DCC: variants seen among roughly 807,000 people sequenced by gnomAD.
The protein encoded by DCC is netrin receptor DCC.
In DCC, 58 loss-of-function variants were observed where a neutral mutation model predicts 172.5. The observed-to-expected ratio is 0.34, with a 90% CI of 0.27 to 0.42. DCC has a LOEUF of 0.42. Ranked by LOEUF, DCC falls within the 10% of genes least tolerant of loss-of-function variation. The probability of loss-of-function intolerance (pLI) is 1.00; values close to 1 mark genes in which losing one functional copy is unlikely to be tolerated. For missense variants in DCC, 1,740 were observed against 1,791.0 expected, an observed-to-expected ratio of 0.97 and a Z score of 0.51; for synonymous variants, 709 against 644.5, an observed-to-expected ratio of 1.10 and a Z score of -1.52.
chr18:53,423,992 C>A (rs1910768889), intron 21 of DCC, among the ~76,000 whole-genome samples: 1 of 152,096 alleles, frequency 6.6e-6, no homozygotes. Context: ...ATTTACTGAT[C>A]TTGGGGGAGA....
chr18:52,464,764 T>C (rs2144546929), intron 1 of DCC, among the ~76,000 whole-genome samples: 1 of 152,072 alleles, frequency 6.6e-6, no homozygotes, highest in Non-Finnish European at 1.5e-5. Context: ...TGGTTTTTTT[T>C]TTCTCCCCAT....
intron 5 of DCC, among the ~76,000 whole-genome samples, chr18:52,967,049 A>G (rs190271951): frequency 6.6e-6 from 1 of 152,272 alleles, no homozygotes; most frequent in East Asian, 1.9e-4. Flanking sequence ...AAAGGTGCTC[A>G]GAAGCAGCAT....
intron 1 of DCC, among the ~76,000 whole-genome samples, chr18:52,549,793 C>CT (rs1253013172): frequency 6.6e-6 from 1 of 151,706 alleles, no homozygotes; most frequent in Non-Finnish European, 1.5e-5. Context: ...TTATTTTATA[C>CT]TTTTTTTCTT....
At chr18:53,259,291 G>A (rs932475306) in intron 12 of DCC, among the ~76,000 whole-genome samples, 7 of 152,136 alleles carry the variant, frequency 4.6e-5, no homozygotes, top group East Asian at 1.9e-4. Flanking sequence ...AGTTGATGCC[G>A]TTTCTTCCTA....
intron 12 of DCC, among the ~76,000 whole-genome samples, chr18:53,255,376 C>T (rs1318753026): frequency 8.7e-6 from 1 of 115,084 alleles, no homozygotes. Flanking sequence ...TCCCCCCACC[C>T]CACAACAGGC....
At chr18:52,749,670 C>T (rs966148989) in intron 1 of DCC, among the ~76,000 whole-genome samples, 20 of 152,174 alleles carry the variant, frequency 1.3e-4, no homozygotes, top group Non-Finnish European at 1.5e-5. Context: ...CTGTCATAAT[C>T]TCCTTGTTTC....
At chr18:53,239,521 G>C (rs1038585078) in intron 12 of DCC, among the ~76,000 whole-genome samples, 1 of 152,136 alleles carries the variant, frequency 6.6e-6, no homozygotes, top group Non-Finnish European at 1.5e-5. Flanking sequence ...GTGAATTCAC[G>C]GAGCAGAGAC....
chr18:52,847,178 G>A (rs151260149), intron 2 of DCC, among the ~76,000 whole-genome samples: 1 of 152,260 alleles, frequency 6.6e-6, no homozygotes, highest in African/African-American at 2.4e-5. Flanking sequence ...GACTTGGTTT[G>A]AAAGTTTTGC....
At chr18:53,139,857 A>T (rs2043804162) in intron 7 of DCC, among the ~76,000 whole-genome samples, 2 of 152,254 alleles carry the variant, frequency 1.3e-5, no homozygotes, top group South Asian at 4.1e-4. Flanking sequence ...ATTTCCTCCC[A>T]CCATGATCAC....
intron 2 of DCC, among the ~76,000 whole-genome samples, chr18:52,898,513 T>C (rs560250923): frequency 1.3e-5 from 2 of 152,298 alleles, no homozygotes; most frequent in South Asian, 4.1e-4. Context: ...GTCGAAAATA[T>C]TCAAACTTTC....
intron 1 of DCC, among the ~76,000 whole-genome samples, chr18:52,560,457 A>G (rs1253357456): frequency 2.6e-5 from 4 of 152,236 alleles, no homozygotes; most frequent in Admixed American, 1.3e-4. Context: ...GGTTAAACTG[A>G]ATACCCTCAT....
intron 5 of DCC, among the ~76,000 whole-genome samples, chr18:52,959,594 C>T (rs746937085): frequency 1.3e-5 from 2 of 151,616 alleles, no homozygotes; most frequent in South Asian, 2.1e-4. Flanking sequence ...GTCTGTCATT[C>T]CCAAACTTAA....
At chr18:53,387,444 T>C (rs1232992020) in intron 16 of DCC, among the ~76,000 whole-genome samples, 1 of 152,212 alleles carries the variant, frequency 6.6e-6, no homozygotes, top group Non-Finnish European at 1.5e-5. Context: ...GTCAATATGT[T>C]TATTTATCTG....
At chr18:52,508,634 G>A (rs776405691) in intron 1 of DCC, among the ~76,000 whole-genome samples, 14 of 152,194 alleles carry the variant, frequency 9.2e-5, no homozygotes, top group Non-Finnish European at 1.6e-4. Flanking sequence ...GAAGTGTTCA[G>A]ATTTAGAAAT....
At chr18:52,411,347 T>C (rs368438053) in intron 1 of DCC, among the ~76,000 whole-genome samples, 6 of 152,312 alleles carry the variant, frequency 3.9e-5, no homozygotes, top group Middle Eastern at 3.4e-3. Flanking sequence ...TGGGTGAAGA[T>C]GACTTGTTCC....
At chr18:52,838,401 A>G (rs1377603191) in intron 2 of DCC, among the ~76,000 whole-genome samples, 1 of 152,218 alleles carries the variant, frequency 6.6e-6, no homozygotes, top group East Asian at 1.9e-4. Flanking sequence ...ACAATTGTTC[A>G]GGATAATACT....
intron 7 of DCC, among the ~76,000 whole-genome samples, chr18:53,082,480 A>G (rs957387358): frequency 2.6e-5 from 4 of 152,086 alleles, no homozygotes; most frequent in African/African-American, 9.7e-5. Context: ...TTAAGAAAAT[A>G]GATAGTTAAG....
At chr18:53,268,703 T>TTTATG (rs2056711724) in intron 12 of DCC, among the ~76,000 whole-genome samples, 1 of 152,176 alleles carries the variant, frequency 6.6e-6, no homozygotes, top group Non-Finnish European at 1.5e-5. Flanking sequence ...GGAATCGTGG[T>TTTATG]GCTGTCACGG....
At chr18:53,197,753 C>T (rs1414619383) in intron 9 of DCC, among the ~76,000 whole-genome samples, 3 of 151,856 alleles carry the variant, frequency 2.0e-5, no homozygotes, top group Non-Finnish European at 4.4e-5. Context: ...TATGAAAAAT[C>T]ATAATTTAGG....
Sources: allele counts gnomAD v4.1 joint callset (sites outside exome capture counted in the v4.1 genomes callset), GRCh38; gene constraint gnomAD v4.1.1; transcripts MANE v1.5; gene names NCBI Gene and HGNC (gene_info 2026-07-23, HGNC 2026-07-21).